The following NAV2 variants were observed in gnomAD, a reference collection of about 807,000 sequenced individuals.
The protein encoded by NAV2 is helicase, APC down-regulated 1.
A neutral mutation model predicts 223.2 loss-of-function variants in NAV2; 54 were observed. The observed-to-expected ratio is 0.24, with a 90% CI of 0.19 to 0.30. NAV2 has a LOEUF of 0.30. NAV2 is among the 10% of genes least tolerant of loss of function. NAV2 has a pLI of 1.00. For synonymous variants in NAV2, 1,279 were observed against 1,239.3 expected (o/e 1.03, Z -0.67); for missense variants, 2,806 against 3,147.5 (o/e 0.89, Z 2.60).
intron 1 of NAV2, among the ~76,000 whole-genome samples, chr11:19,402,343 T>C (rs1208678415): frequency 6.6e-6 from 1 of 152,190 alleles, no homozygotes; most frequent in East Asian, 1.9e-4. Flanking sequence ...ACCCACTACA[T>C]AGAGTCGTGG....
At position 19,999,734 on chromosome 11, in the gene NAV2, T is replaced by C. The variant is rs2052355555; in HGVS notation, c.2768+15487T>C. ...TTCAGATGCTGACTGTGCTGCTACG[T>C]AGAGGTCAGTTAACCATCCTGAGCC... On this transcript the variant is annotated intron_variant, in intron 11 of 37. Coordinates refer to ENST00000349880, the MANE Select transcript of NAV2 (RefSeq NM_145117.5). 2.6e-5 allele frequency among the ~76,000 whole-genome samples: 4 copies of C among 152,174 alleles called. No homozygotes were observed. In the South Asian group the frequency reaches 6.2e-4, roughly 24 times the overall value.
chr11:19,420,029 G>A (rs531916322), intron 1 of NAV2, among the ~76,000 whole-genome samples: 1 of 152,264 alleles, frequency 6.6e-6, no homozygotes, highest in African/African-American at 2.4e-5. Flanking sequence ...CAAGCAGTAA[G>A]GTGAGGTCCT....
chr11:19,948,096 G>GC (rs1398419729), intron 9 of NAV2, among the ~76,000 whole-genome samples: 7 of 140,746 alleles, frequency 5.0e-5, no homozygotes, highest in Non-Finnish European at 9.3e-5. Flanking sequence ...TTTTTTTTTT[G>GC]CCGGGGGGGA....
At chr11:20,084,456 CTACTT>C (rs1309166756) in intron 26 of NAV2, among the ~76,000 whole-genome samples, 1 of 152,186 alleles carries the variant, frequency 6.6e-6, no homozygotes, top group Non-Finnish European at 1.5e-5. Flanking sequence ...GTCAGGGTCT[CTACTT>C]TACTGAGTTA....
At chr11:19,545,359 G>T (rs572579534) in intron 1 of NAV2, among the ~76,000 whole-genome samples, 16 of 152,300 alleles carry the variant, frequency 1.1e-4, no homozygotes, top group South Asian at 1.0e-3. Context: ...AAGCCTCTTT[G>T]GTTTAGAGAC....
chr11:19,844,073 A>G (rs928395764), intron 3 of NAV2, among the ~76,000 whole-genome samples: 3 of 152,190 alleles, frequency 2.0e-5, no homozygotes, highest in African/African-American at 7.2e-5. Flanking sequence ...TTTTTGATCC[A>G]AAGACCAACC....
chr11:20,027,179 A>T, intron 11 of NAV2: 3 of 776,324 alleles, frequency 3.9e-6, no homozygotes, highest in Non-Finnish European at 4.7e-6. Context: ...GGGAGGAAAT[A>T]GTTAACATAC....
At chr11:19,902,425 T>C (rs192135374) in intron 6 of NAV2, among the ~76,000 whole-genome samples, 60 of 152,244 alleles carry the variant, frequency 3.9e-4, no homozygotes, top group Non-Finnish European at 4.8e-4. Context: ...TCAAAACCAA[T>C]GTGTGAACTT....
At chr11:19,481,354 C>T (rs1017947196) in intron 1 of NAV2, among the ~76,000 whole-genome samples, 3 of 152,150 alleles carry the variant, frequency 2.0e-5, no homozygotes, top group Admixed American at 1.3e-4. Flanking sequence ...AGCTTTCAGT[C>T]ACTCAGTGAC....
intron 1 of NAV2, among the ~76,000 whole-genome samples, chr11:19,804,135 C>A (rs139260812): frequency 5.3e-4 from 81 of 152,230 alleles, no homozygotes; most frequent in African/African-American, 1.9e-3. Context: ...TGTGTGTGTC[C>A]TTCAGGTCTC....
chr11:19,441,448 G>GCACACACACA (rs150858991), intron 1 of NAV2, among the ~76,000 whole-genome samples: 1 of 145,850 alleles, frequency 6.9e-6, no homozygotes, highest in East Asian at 2.0e-4. Flanking sequence ...ACACACACAC[G>GCACACACACA]CACACACACA....
chr11:19,479,465 A>G (rs551687396), intron 1 of NAV2, among the ~76,000 whole-genome samples: 1 of 152,242 alleles, frequency 6.6e-6, no homozygotes, highest in South Asian at 2.1e-4. Flanking sequence ...TGCTTTATGT[A>G]TATCCTTTCC....
At chr11:19,751,745 C>T (rs545129729) in intron 1 of NAV2, among the ~76,000 whole-genome samples, 7 of 152,326 alleles carry the variant, frequency 4.6e-5, no homozygotes, top group African/African-American at 1.4e-4. Context: ...TTTTGTCCTT[C>T]TCTTTCAGTG....
chr11:19,881,967 G>T (rs758212894), intron 5 of NAV2, among the ~76,000 whole-genome samples: 1 of 152,182 alleles, frequency 6.6e-6, no homozygotes, highest in Non-Finnish European at 1.5e-5. Flanking sequence ...CATTTATGTG[G>T]ATGACAGTGT....
intron 1 of NAV2, among the ~76,000 whole-genome samples, chr11:19,351,903 A>G (rs1198315030): frequency 6.7e-6 from 1 of 150,362 alleles, no homozygotes; most frequent in African/African-American, 2.5e-5. Flanking sequence ...GACTCTTCCC[A>G]GTGTGAAATA....
chr11:20,062,697 C>A (rs904979973), intron 20 of NAV2, among the ~76,000 whole-genome samples: 7 of 152,060 alleles, frequency 4.6e-5, no homozygotes, highest in African/African-American at 1.4e-4. Context: ...TTCTTTCTTT[C>A]TTTCTTTTTT....
intron 1 of NAV2, chr11:19,384,634 T>G (rs1848964635): frequency 6.6e-6 from 1 of 152,310 alleles, no homozygotes; most frequent in South Asian, 2.1e-4. Flanking sequence ...GCTTCTAGTG[T>G]GAATCCTGTC....
Position 20,083,003 on chromosome 11 carries a change from T to G in NAV2, c.5326-4T>G. 1 of 1,610,854 alleles carries G rather than the reference T, an allele frequency of 6.2e-7. No individual in the cohort carries two copies. The highest frequency in any genetic ancestry group is 1.1e-5 in the South Asian group (1 of 90,368). ...CTGTGAGACTGACAGTCTTGTATAT[T>G]CAGTTACGCAGCTCCTTCAAGCAAG... On this transcript the variant is annotated splice_region_variant and splice_polypyrimidine_tract_variant and intron_variant, in intron 25 of 37. Coordinates refer to ENST00000349880, the MANE Select transcript of NAV2 (RefSeq NM_145117.5).
At position 20,005,238 on chromosome 11, in the gene NAV2, C is replaced by CAT. The variant is rs748368788; in HGVS notation, c.2768+21006_2768+21007dup. Among the ~76,000 whole-genome samples the CAT allele has an allele frequency of 1.4e-3, 112 of 80,924 alleles. 1 individual carries two copies. The highest frequency in any genetic ancestry group is 2.9e-3 in the African/African-American group (95 of 32,936). The allele number at this position is 80,924 out of a possible 152,430, so 53.1% of individuals were successfully genotyped here. A position where few individuals can be genotyped will look rare whatever the true frequency, so the allele number is the denominator to read the frequency against. The stretch of plus-strand genomic sequence containing the variant: ...CCAAGTGATTCTGCTGAGTTTTAAT[C>CAT]ATATATATATATATATTTTTTTTTT... On this transcript the variant is annotated intron_variant, in intron 11 of 37. Transcript: ENST00000349880.
Sources: gnomAD v4.1 joint callset for allele counts (sites outside exome capture counted in the v4.1 genomes callset) on GRCh38, gnomAD v4.1.1 for gene constraint, MANE v1.5 for transcripts, NCBI Gene and HGNC (gene_info 2026-07-23, HGNC 2026-07-21) for gene names.